Variants in ABCB5 observed in about 807,000 individuals in gnomAD.
ABCB5 encodes the protein ATP-binding cassette sub-family B member 5.
A neutral mutation model predicts 144.2 loss-of-function variants in ABCB5; 155 were observed. The observed-to-expected ratio is 1.08, with a 90% CI of 0.94 to 1.23. The LOEUF is 1.23. ABCB5 is among the 50% of genes most tolerant of loss of function. ABCB5 has a pLI of 0.00. For synonymous variants in ABCB5, 610 were observed against 528.6 expected (o/e 1.15, Z -2.11); for missense variants, 1,830 against 1,520.8 (o/e 1.20, Z -3.38).
intron 15 of ABCB5, among the ~76,000 whole-genome samples, chr7:20,681,977 C>A (rs540595267): frequency 8.5e-5 from 13 of 152,152 alleles, no homozygotes; most frequent in African/African-American, 3.1e-4. Flanking sequence ...GAGGTCGAGG[C>A]GGGCGGATCA....
chr7:20,647,655 C>T lies in ABCB5; in HGVS notation c.1095+7C>T. 2 of 1,553,994 alleles carry T rather than the reference C, an allele frequency of 1.3e-6. No individual in the cohort carries two copies. The highest frequency in any genetic ancestry group is 8.7e-7 in the Non-Finnish European group (1 of 1,149,186). ...TTTCCAGGTTATTGATAAGGTAAGA[C>T]CTCTTATTGCTTTGAAGAATAACTA... On this transcript the variant is annotated splice_region_variant and intron_variant, in intron 10 of 27. Transcript: ENST00000404938.
chr7:20,734,940 A>G (rs17819135), intron 23 of ABCB5, among the ~76,000 whole-genome samples: 49,923 of 152,074 alleles, frequency 0.33, 8,400 homozygotes, highest in Non-Finnish European at 0.34. Context: ...ATTTTATCCT[A>G]TCTCTTTGTG....
At chr7:20,738,861 T>A (rs775145448) in intron 23 of ABCB5, 122 bp from the exon 24 acceptor site, 30 of 1,104,802 alleles carry the variant, frequency 2.7e-5, no homozygotes, top group Non-Finnish European at 3.2e-5. Flanking sequence ...TCTTCAGCGT[T>A]AGGGGTGCCG....
intron 20 of ABCB5, among the ~76,000 whole-genome samples, chr7:20,711,781 T>TC (rs71020671): frequency 0.57 from 40,265 of 70,130 alleles, 13,429 homozygotes; most frequent in East Asian, 0.77. Flanking sequence ...CTTCTTTCTC[T>TC]TTCTTTCTTT....
intron 9 of ABCB5, 37 bp downstream of exon 9, chr7:20,646,175 T>C: frequency 1.3e-6 from 2 of 1,568,632 alleles, no homozygotes; most frequent in Non-Finnish European, 8.6e-7. Context: ...CAGGCCTGGA[T>C]AATCTTTCCT....
chr7:20,623,138 G>A, intron 1 of ABCB5, 127 bp from the exon 2 acceptor site: 1 of 626,024 alleles, frequency 1.6e-6, no homozygotes, highest in Non-Finnish European at 2.8e-6. Flanking sequence ...GGGGGGCTGG[G>A]CAGGGCGAAA....
chr7:20,668,396 C>A (rs1361243304), intron 14 of ABCB5, among the ~76,000 whole-genome samples: 2 of 148,788 alleles, frequency 1.3e-5, no homozygotes, highest in South Asian at 2.2e-4. Flanking sequence ...ATGTGAGGAG[C>A]GCCTCTGCTG....
At chr7:20,678,707 T>A (rs1397356581) in intron 14 of ABCB5, among the ~76,000 whole-genome samples, 1 of 152,134 alleles carries the variant, frequency 6.6e-6, no homozygotes, top group Non-Finnish European at 1.5e-5. Flanking sequence ...CTTGAAGAGG[T>A]AAACTAATAG....
At chr7:20,719,416 C>T (rs1376273885) in intron 20 of ABCB5, among the ~76,000 whole-genome samples, 1 of 152,140 alleles carries the variant, frequency 6.6e-6, no homozygotes, top group Admixed American at 6.5e-5. Context: ...CCTTTTCTAT[C>T]TTGATATTGC....
chr7:20,713,006 C>T (rs1436608495), intron 20 of ABCB5, among the ~76,000 whole-genome samples: 1 of 149,356 alleles, frequency 6.7e-6, no homozygotes, highest in African/African-American at 2.5e-5. Context: ...AAACTTATTC[C>T]TCCTAATTGA....
Position 20,723,026 on chromosome 7 carries a change from C to T in ABCB5, c.2432C>T (p.Ser811Phe), listed in dbSNP as rs1409477884. 4 of 1,613,950 alleles carry T rather than the reference C, an allele frequency of 2.5e-6. No individual in the cohort carries two copies. Among genetic ancestry groups the T allele is most frequent in the South Asian group, 2.2e-5 (2 of 91,058 alleles). ...TATGTCTGATTATAGGCAACAGGTT[C>T]CAGGATTGGCGTCTTAACACAAAAT... ...DIAQIQGATG[S>F]RIGVLTQNAT... The change falls in exon 21 of 28, where the codon TCC becomes TTC. Residue 811 changes from serine (S) to phenylalanine (F), a missense_variant. Transcript: ENST00000404938.
In ABCB5 at chr7:20,651,606, A is replaced by G; in HGVS notation, c.1519A>G (p.Ile507Val). 6.2e-7 allele frequency: 1 copy of G among 1,614,132 alleles called. No individual in the cohort carries two copies. The highest frequency in any genetic ancestry group is 1.7e-5 in the Admixed American group (1 of 60,012). The change falls in exon 13 of 28, where the codon ATC (isoleucine) becomes GTC (valine). Residue 507 changes from isoleucine to valine, a missense_variant. By Grantham distance (29) the Ile-to-Val change is conservative. Coordinates refer to ENST00000404938, the MANE Select transcript of ABCB5 (RefSeq NM_001163941.2). ...AAREANAYDF[I>V]MEFPNKFNTL... ...AAGGGAAGCAAATGCGTATGATTTTATCATGGAGTTTCCTAATGTGAGTAC... is the reference window on the plus strand; with the variant it reads ...AAGGGAAGCAAATGCGTATGATTTTGTCATGGAGTTTCCTAATGTGAGTAC...
intron 21 of ABCB5, among the ~76,000 whole-genome samples, chr7:20,726,066 T>G (rs184986972): frequency 1.8e-4 from 28 of 152,330 alleles, no homozygotes; most frequent in African/African-American, 6.7e-4. Flanking sequence ...AGCCAACACA[T>G]GTTCTCATGT....
At chr7:20,731,946 C>T (rs1782236574) in intron 23 of ABCB5, among the ~76,000 whole-genome samples, 1 of 152,192 alleles carries the variant, frequency 6.6e-6, no homozygotes, top group South Asian at 2.1e-4. Flanking sequence ...TGCAGCCAGA[C>T]TGATCATTTA....
At chr7:20,735,548 C>G (rs961814668) in intron 23 of ABCB5, among the ~76,000 whole-genome samples, 1 of 152,182 alleles carries the variant, frequency 6.6e-6, no homozygotes, top group Non-Finnish European at 1.5e-5. Flanking sequence ...AGCCACCTAG[C>G]TCTTGCCTGG....
chr7:20,666,698 G>C, intron 14 of ABCB5: 4 of 1,563,006 alleles, frequency 2.6e-6, no homozygotes, highest in African/African-American at 2.7e-5. Flanking sequence ...TTTTAGCTTT[G>C]TGTAATCTGT....
At chr7:20,619,582 C>T (rs549195981) in intron 1 of ABCB5, among the ~76,000 whole-genome samples, 65 of 151,970 alleles carry the variant, frequency 4.3e-4, no homozygotes, top group African/African-American at 1.5e-3. Flanking sequence ...GATATTAGAC[C>T]TTTGTAGGAT....
At chr7:20,672,017 G>A (rs1785469403) in intron 14 of ABCB5, among the ~76,000 whole-genome samples, 1 of 152,160 alleles carries the variant, frequency 6.6e-6, no homozygotes, top group Admixed American at 6.5e-5. Context: ...GAAATGTATA[G>A]TAGTATCCCA....
intron 14 of ABCB5, among the ~76,000 whole-genome samples, chr7:20,668,724 G>T (rs1266541092): frequency 6.9e-6 from 1 of 144,888 alleles, no homozygotes; most frequent in Non-Finnish European, 1.5e-5. Context: ...AGGGAGGTGG[G>T]GGGGTCAGCC....
Sources: allele counts gnomAD v4.1 joint callset (sites outside exome capture counted in the v4.1 genomes callset), GRCh38; gene constraint gnomAD v4.1.1; transcripts MANE v1.5; gene names NCBI Gene and HGNC (gene_info 2026-07-23, HGNC 2026-07-21).